The following JAML variants were observed in gnomAD, a reference collection of about 807,000 sequenced individuals.
JAML encodes the protein junctional adhesion molecule-like.
Under a neutral mutation model 39.3 loss-of-function variants are expected in JAML, and 25 were observed. That is an observed-to-expected ratio of 0.64 (90% CI 0.46 to 0.89). JAML has a LOEUF of 0.89. Among genes scored for constraint, JAML ranks in the 40% least tolerant of loss-of-function variants. JAML has a pLI of 0.00. For synonymous variants in JAML, 162 were observed against 179.2 expected, an observed-to-expected ratio of 0.90 and a Z score of 0.77; for missense variants, 440 against 486.9, an observed-to-expected ratio of 0.90 and a Z score of 0.91.
At position 118,214,843 on chromosome 11, in the gene JAML, G is replaced by T. The variant is rs375940544; in HGVS notation, c.24C>A (p.Ile8=). 1.9e-6 allele frequency: 3 copies of T among 1,614,154 alleles called. No homozygotes were observed. The highest frequency in any genetic ancestry group is 2.5e-6 in the Non-Finnish European group (3 of 1,180,020). MFCPLKL[I]LLPVLLDYSL... The stretch of plus-strand genomic sequence containing the variant: ...ACTTACCCAGTAACACTGGCAGCAG[G>T]ATGAGTTTCAGTGGGCAAAACATGC... Residue 8 remains isoleucine, a synonymous_variant, in exon 2 of 10, where the codon ATC becomes ATA. Transcript: ENST00000356289.
At chr11:118,211,855 C>G (rs1392777850) in intron 3 of JAML, among the ~76,000 whole-genome samples, 5 of 152,170 alleles carry the variant, frequency 3.3e-5, no homozygotes, top group Non-Finnish European at 5.9e-5. Context: ...AATCCCAACA[C>G]TTTAAGCAGC....
chr11:118,218,033 A>G (rs1024543558), intron 1 of JAML, among the ~76,000 whole-genome samples: 1 of 152,216 alleles, frequency 6.6e-6, no homozygotes, highest in Non-Finnish European at 1.5e-5. Flanking sequence ...CAAGTTAAAT[A>G]TCATTTCCTC....
chr11:118,194,361 T>C lies in JAML; in HGVS notation c.1149A>G (p.Ser383=). The change falls in exon 10 of 10, where the codon TCA becomes TCG. Residue 383 remains serine (S), a synonymous_variant. Coordinates refer to ENST00000356289, the MANE Select transcript of JAML (RefSeq NM_001098526.2). Reference sequence around the variant, plus strand: ...GCTGTGTTTTTGGCATTCCCCCACCTGACTTTTTTTCAAGTGAGTTGTTCC... The same window carrying C: ...GCTGTGTTTTTGGCATTCCCCCACCCGACTTTTTTTCAAGTGAGTTGTTCC... ...SDRNNSLEKK[S]GGGMPKTQQA... 1 of 1,614,158 alleles carries C rather than the reference T, an allele frequency of 6.2e-7. No homozygotes were observed. The highest frequency in any genetic ancestry group is 8.5e-7 in the Non-Finnish European group (1 of 1,180,018).
intron 8 of JAML, 127 bp from the exon 9 acceptor site, chr11:118,196,948 A>G: frequency 1.5e-6 from 1 of 684,836 alleles, no homozygotes; most frequent in Non-Finnish European, 2.6e-6. Flanking sequence ...GGTTACTGAG[A>G]CCTAGAGAAT....
At chr11:118,197,834 G>T (rs964257930) in intron 8 of JAML, 164 bp downstream of exon 8, 2 of 639,078 alleles carry the variant, frequency 3.1e-6, no homozygotes, top group Non-Finnish European at 5.5e-6. Flanking sequence ...ACTGTACTCC[G>T]CAGAGGCTCT....
In JAML at chr11:118,196,787, A is replaced by G; in HGVS notation, c.1040T>C (p.Val347Ala). ...HIYSPIIVRE[V>A]IEEEEPSEKS... ...TTCACTTGGTTCTTCTTCCTCGATC[A>G]CCTCCCGTACAATTATTGGGGAGTA... Residue 347 changes from valine (V) to alanine (A), a missense_variant, in exon 9 of 10, where the codon GTG (valine) becomes GCG (alanine). Val to Ala is a moderately conservative substitution (Grantham distance 64, BLOSUM62 0). Transcript: ENST00000356289. 2.5e-6 allele frequency: 4 copies of G among 1,612,484 alleles called. No homozygotes were observed. The highest frequency in any genetic ancestry group is 2.5e-6 in the Non-Finnish European group (3 of 1,178,764).
At chr11:118,198,183 A>G in intron 7 of JAML, 92 bp from the exon 8 acceptor site, 1 of 1,009,292 alleles carries the variant, frequency 9.9e-7, no homozygotes, top group Non-Finnish European at 1.5e-6. Flanking sequence ...TCGTGAAGAG[A>G]GAGACACCAG....
At chr11:118,196,129 G>A (rs1281697409) in intron 9 of JAML, among the ~76,000 whole-genome samples, 2 of 147,166 alleles carry the variant, frequency 1.4e-5, no homozygotes, top group African/African-American at 2.5e-5. Context: ...CACCATGCTC[G>A]GCCTTTTTTT....
At chr11:118,214,930 G>T in intron 1 of JAML, 44 bp from the exon 2 acceptor site, 1 of 1,566,996 alleles carries the variant, frequency 6.4e-7, no homozygotes, top group Non-Finnish European at 8.8e-7. Flanking sequence ...GTCAAGAGAA[G>T]CTCATTAATT....
At chr11:118,203,758 G>T in intron 5 of JAML, 93 bp from the exon 6 acceptor site, 1 of 1,010,222 alleles carries the variant, frequency 9.9e-7, no homozygotes. Context: ...AGGACTCCAA[G>T]GCCCTGCTAG....
At chr11:118,216,477 A>C in intron 1 of JAML, among the ~76,000 whole-genome samples, 1 of 152,190 alleles carries the variant, frequency 6.6e-6, no homozygotes, top group Admixed American at 6.5e-5. Context: ...GGAGGTTCCT[A>C]CCTCAGGTCC....
intron 6 of JAML, chr11:118,201,596 T>G (rs1948799411): frequency 6.6e-6 from 1 of 152,234 alleles, no homozygotes; most frequent in Non-Finnish European, 1.5e-5. Flanking sequence ...TTATTAGCAG[T>G]GGAAGAGAAA....
chr11:118,198,622 A>G (rs1450318677), intron 7 of JAML, among the ~76,000 whole-genome samples: 1 of 149,026 alleles, frequency 6.7e-6, no homozygotes, highest in African/African-American at 2.5e-5. Flanking sequence ...TCTCATGACC[A>G]TTTGCCTTCT....
chr11:118,221,761 G>C (rs1949212451), intron 1 of JAML, among the ~76,000 whole-genome samples: 1 of 152,154 alleles, frequency 6.6e-6, no homozygotes, highest in Non-Finnish European at 1.5e-5. Flanking sequence ...TGAGTCTTTT[G>C]TGGTTTAATC....
chr11:118,197,599 A>G (rs1305534480), intron 8 of JAML: 1 of 170,212 alleles, frequency 5.9e-6, no homozygotes, highest in Non-Finnish European at 1.3e-5. Flanking sequence ...GACTTTAGAC[A>G]AATAGCACCT....
intron 1 of JAML, among the ~76,000 whole-genome samples, chr11:118,223,364 T>C (rs1949229256): frequency 1.3e-5 from 2 of 151,962 alleles, no homozygotes; most frequent in Admixed American, 6.6e-5. Context: ...TTATGAGAGG[T>C]TTGTGGACGT....
intron 1 of JAML, among the ~76,000 whole-genome samples, chr11:118,217,596 T>C (rs1949160413): frequency 6.6e-6 from 1 of 152,240 alleles, no homozygotes; most frequent in Admixed American, 6.5e-5. Flanking sequence ...GTTTTCAATA[T>C]TAAAAGATCA....
At chr11:118,199,352 G>C (rs1948726794) in intron 7 of JAML, among the ~76,000 whole-genome samples, 2 of 152,196 alleles carry the variant, frequency 1.3e-5, no homozygotes, top group African/African-American at 4.8e-5. Context: ...AAGACCTTTA[G>C]AGAGGCCAGC....
intron 4 of JAML, chr11:118,209,211 GA>G (rs1948990087): frequency 4.8e-5 from 11 of 228,270 alleles, no homozygotes; most frequent in Non-Finnish European, 7.0e-5. Flanking sequence ...TCAAAGAGGC[GA>G]AAAAAACTTT....
Sources: allele counts gnomAD v4.1 joint callset (sites outside exome capture counted in the v4.1 genomes callset), GRCh38; gene constraint gnomAD v4.1.1; transcripts MANE v1.5; gene names NCBI Gene and HGNC (gene_info 2026-07-23, HGNC 2026-07-21).